The following VIRMA variants were observed in gnomAD, a reference collection of about 807,000 sequenced individuals.
VIRMA encodes the protein protein virilizer homolog.
Under a neutral mutation model 182.4 loss-of-function variants are expected in VIRMA, and 65 were observed. The ratio of observed to expected loss-of-function variants is 0.36; its 90% CI spans 0.29 to 0.44. VIRMA has a LOEUF of 0.44. Among genes scored for constraint, VIRMA ranks in the 20% least tolerant of loss-of-function variants. The pLI, the probability that VIRMA is intolerant of heterozygous loss-of-function variation, is 1.00. For synonymous variants in VIRMA, 709 were observed against 743.1 expected, an observed-to-expected ratio of 0.95 and a Z score of 0.75; for missense variants, 1,752 against 2,158.1, an observed-to-expected ratio of 0.81 and a Z score of 3.73.
At chr8:94,496,807 C>T (rs1006789655) in intron 17 of VIRMA, 36 of 196,934 alleles carry the variant, frequency 1.8e-4, no homozygotes, top group African/African-American at 8.1e-4. Flanking sequence ...CTTGCTATAA[C>T]AAAGAACTGA....
chr8:94,536,418 C>T (rs1815344365), intron 4 of VIRMA, among the ~76,000 whole-genome samples: 1 of 151,990 alleles, frequency 6.6e-6, no homozygotes, highest in Admixed American at 6.6e-5. Flanking sequence ...TCTGGCATAT[C>T]AAGAAAAAAG....
rs775264613 is a variant in VIRMA, at chr8:94,499,382, C to CAGA, written c.4219_4221dup (p.Ser1407dup). On this transcript the variant is annotated inframe_insertion, in exon 17 of 24. Transcript: ENST00000297591. ...AACACACACATACTTACAATTGTGTCAGAGTTAAGAATTTGTCTCATAAAT... is the reference window on the plus strand; with the variant it reads ...AACACACACATACTTACAATTGTGTCAGAAGAGTTAAGAATTTGTCTCATAAAT... The CAGA allele has an allele frequency of 1.3e-6, 2 of 1,566,258 alleles. No individual in the cohort carries two copies. Among genetic ancestry groups the CAGA allele is most frequent in the Non-Finnish European group, 1.7e-6 (2 of 1,155,780 alleles).
chr8:94,512,758 C>CTGGG (rs1814422669), intron 11 of VIRMA, among the ~76,000 whole-genome samples: 1 of 152,232 alleles, frequency 6.6e-6, no homozygotes, highest in South Asian at 2.1e-4. Context: ...GCCTGGGTGA[C>CTGGG]ACAGTGAAAC....
At chr8:94,522,829 A>C (rs1814819798) in intron 8 of VIRMA, among the ~76,000 whole-genome samples, 1 of 152,212 alleles carries the variant, frequency 6.6e-6, no homozygotes, top group South Asian at 2.1e-4. Context: ...TACATCTTGC[A>C]ACACAAAATC....
At chr8:94,545,104 C>T (rs1441005989) in intron 1 of VIRMA, among the ~76,000 whole-genome samples, 1 of 151,872 alleles carries the variant, frequency 6.6e-6, no homozygotes, top group African/African-American at 2.4e-5. Flanking sequence ...GCACTCCAGC[C>T]TGGGTGACAA....
rs753985770 is a variant in VIRMA, at chr8:94,526,332, T to A, written c.1912A>T (p.Met638Leu). Reference protein sequence around the residue: ...INLLEEVFHLMETAPHTMIQQ... With the variant: ...INLLEEVFHLLETAPHTMIQQ... ...ATCATTGTATGAGGGGCAGTTTCCATTAAATGAAAAACTTCTTCTAGGAGG... is the reference window on the plus strand; with the variant it reads ...ATCATTGTATGAGGGGCAGTTTCCAATAAATGAAAAACTTCTTCTAGGAGG... Residue 638 changes from methionine (M) to leucine (L), a missense_variant, in exon 8 of 24, where the codon ATG (methionine) becomes TTG (leucine). By Grantham distance (15) the Met-to-Leu change is conservative. Coordinates refer to ENST00000297591, the MANE Select transcript of VIRMA (RefSeq NM_015496.5). 6 of 1,614,090 alleles carry A rather than the reference T, an allele frequency of 3.7e-6. No individual in the cohort carries two copies. The highest frequency in any genetic ancestry group is 1.7e-4 in the Middle Eastern group (1 of 6,060).
chr8:94,509,620 TTAAA>T, intron 15 of VIRMA, 64 bp downstream of exon 15: 2 of 1,448,284 alleles, frequency 1.4e-6, no homozygotes, highest in Non-Finnish European at 1.8e-6. Context: ...ATCAAGATGC[TTAAA>T]TACACACACA....
intron 9 of VIRMA, 27 bp from the exon 10 acceptor site, chr8:94,517,969 T>C: frequency 1.3e-6 from 2 of 1,578,238 alleles, no homozygotes; most frequent in Non-Finnish European, 1.7e-6. Context: ...TTTTTAAGTT[T>C]TGGATACAAA....
At chr8:94,538,458 T>A (rs1296319640) in intron 2 of VIRMA, 112 bp from the exon 3 acceptor site, 5 of 651,586 alleles carry the variant, frequency 7.7e-6, no homozygotes, top group African/African-American at 7.3e-5. Flanking sequence ...TAGAATATGA[T>A]GTTCCTAAGA....
chr8:94,494,591 CAAAAAAAAAAAAAAAA>C (rs1175058697), intron 20 of VIRMA, among the ~76,000 whole-genome samples: 2 of 42,924 alleles, frequency 4.7e-5, no homozygotes, highest in Non-Finnish European at 7.8e-5. Flanking sequence ...GACTCTGTCT[CAAAAAAAAAAAAAAAA>C]AAAAAAAAAA....
Position 94,491,929 on chromosome 8 carries a change from C to T in VIRMA, c.4809-20G>A, listed in dbSNP as rs1342034186. 1.4e-6 allele frequency: 2 copies of T among 1,470,516 alleles called. No individual in the cohort carries two copies. Among genetic ancestry groups the T allele is most frequent in the African/African-American group, 1.4e-5 (1 of 70,616 alleles). The allele number at this position is 1,470,516 out of a possible 1,614,324, so 91.1% of individuals were successfully genotyped here. A position where few individuals can be genotyped will look rare whatever the true frequency, so the allele number is the denominator to read the frequency against. The stretch of plus-strand genomic sequence containing the variant: ...TTTCCACTATTAAAACAAAAACATG[C>T]CATAAAACATTTTTCTTTCAGGTTT... On this transcript the variant is annotated intron_variant, in intron 21 of 23. Transcript: ENST00000297591.
intron 3 of VIRMA, among the ~76,000 whole-genome samples, chr8:94,537,455 T>C (rs1046176712): frequency 6.6e-6 from 1 of 152,148 alleles, no homozygotes; most frequent in Admixed American, 6.6e-5. Flanking sequence ...TACAAAAATG[T>C]AGACTACAAC....
chr8:94,491,002 G>A (rs1813587445), intron 22 of VIRMA, among the ~76,000 whole-genome samples: 3 of 151,866 alleles, frequency 2.0e-5, no homozygotes, highest in Non-Finnish European at 2.9e-5. Context: ...CTCAGAAAAT[G>A]TATAATTCTC....
chr8:94,529,300 T>G lies in VIRMA; in HGVS notation c.650A>C (p.Tyr217Ser). The G allele has an allele frequency of 3.1e-6, 5 of 1,612,964 alleles. No individual in the cohort carries two copies. Among genetic ancestry groups the G allele is most frequent in the Non-Finnish European group, 4.2e-6 (5 of 1,178,910 alleles). Residue 217 changes from tyrosine (Y) to serine (S), a missense_variant, in exon 7 of 24, where the codon TAC becomes TCC. Coordinates refer to ENST00000297591, the MANE Select transcript of VIRMA (RefSeq NM_015496.5). ...KEEDAPHRED[Y>S]FEPISPDRNS... Reference sequence around the variant, plus strand: ...CCGATCAGGAGAAATGGGCTCAAAGTAATCTTCTCTATGAGGAGCATCCTC... The same window carrying G: ...CCGATCAGGAGAAATGGGCTCAAAGGAATCTTCTCTATGAGGAGCATCCTC...
chr8:94,500,036 G>C (rs1220002977), intron 16 of VIRMA, among the ~76,000 whole-genome samples: 3 of 128,448 alleles, frequency 2.3e-5, no homozygotes, highest in African/African-American at 9.5e-5. Flanking sequence ...TTGAAGGACA[G>C]AGTGAGGCTT....
chr8:94,488,719 G>A lies in VIRMA; in HGVS notation c.5426C>T (p.Ser1809Phe). Residue 1809 changes from serine to phenylalanine, a missense_variant, in exon 24 of 24, where the codon TCC becomes TTC. By Grantham distance (155) the Ser-to-Phe change is radical. This residue lies in a region of VIRMA where 132 missense variants were observed against 173.8 expected (regional missense o/e 0.76). Transcript: ENST00000297591. ...CCAAAAGGATTTTTATCGTGTAAAG[G>A]AGCGTACATGACGACCTCTACCACT... ...GGSGRGRHVR[S>F]FTR 1 of 1,614,070 alleles carries A rather than the reference G, an allele frequency of 6.2e-7. No individual in the cohort carries two copies. The highest frequency in any genetic ancestry group is 8.5e-7 in the Non-Finnish European group (1 of 1,180,004).
intron 2 of VIRMA, among the ~76,000 whole-genome samples, chr8:94,540,161 T>C (rs1489912954): frequency 6.6e-6 from 1 of 152,216 alleles, no homozygotes; most frequent in Non-Finnish European, 1.5e-5. Flanking sequence ...ATATTCATCA[T>C]ACTATTACTT....
intron 19 of VIRMA, among the ~76,000 whole-genome samples, chr8:94,495,488 A>G (rs1300410270): frequency 6.6e-6 from 1 of 152,056 alleles, no homozygotes; most frequent in Non-Finnish European, 1.5e-5. Context: ...AGTAAAATAA[A>G]ACAATGCCCT....
chr8:94,539,620 C>A (rs1815468973), intron 2 of VIRMA, among the ~76,000 whole-genome samples: 1 of 152,126 alleles, frequency 6.6e-6, no homozygotes, highest in Non-Finnish European at 1.5e-5. Context: ...CTGGTAGAAG[C>A]ACAAACAGGC....
Sources: gnomAD v4.1 joint callset for allele counts (sites outside exome capture counted in the v4.1 genomes callset) on GRCh38, gnomAD v4.1.1 for gene constraint, gnomAD v4.1.1 regional missense constraint, MANE v1.5 for transcripts, NCBI Gene and HGNC (gene_info 2026-07-23, HGNC 2026-07-21) for gene names.